The following MCMDC2 variants were observed in gnomAD, a reference collection of about 807,000 sequenced individuals.
The protein encoded by MCMDC2 is minichromosome maintenance domain-containing protein 2.
MCMDC2 carries 54 observed loss-of-function variants against 75.8 expected under a neutral mutation model. The observed-to-expected ratio is 0.71, with a 90% CI of 0.57 to 0.89. The LOEUF is 0.89. Among genes scored for constraint, MCMDC2 ranks in the 40% least tolerant of loss-of-function variants. MCMDC2 has a pLI of 0.00. For missense variants in MCMDC2, 656 were observed against 780.4 expected, an observed-to-expected ratio of 0.84 and a Z score of 1.90; for synonymous variants, 249 against 274.6, an observed-to-expected ratio of 0.91 and a Z score of 0.92.
At chr8:66,917,031 A>G (rs774803706) in intron 14 of MCMDC2, among the ~76,000 whole-genome samples, 1 of 152,208 alleles carries the variant, frequency 6.6e-6, no homozygotes, top group South Asian at 2.1e-4. Context: ...GGCACTGAGC[A>G]TCAAAGGAGA....
downstream of MCMDC2, among the ~76,000 whole-genome samples, chr8:66,923,638 T>C (rs1448805859): frequency 1.3e-5 from 2 of 152,194 alleles, no homozygotes; most frequent in Non-Finnish European, 2.9e-5. Flanking sequence ...GTCTCCCGCC[T>C]GTAATCCTAG....
chr8:66,882,328 C>T, intron 8 of MCMDC2, among the ~76,000 whole-genome samples: 1 of 152,096 alleles, frequency 6.6e-6, no homozygotes, highest in East Asian at 1.9e-4. Flanking sequence ...GTCAACATAG[C>T]AGATTAGCTT....
intron 13 of MCMDC2, among the ~76,000 whole-genome samples, 174 bp from the exon 14 acceptor site, chr8:66,905,052 A>G (rs971571077): frequency 5.3e-5 from 8 of 152,132 alleles, no homozygotes; most frequent in African/African-American, 1.9e-4. Context: ...GGAACAGTCT[A>G]TTTAAGTCGG....
downstream of MCMDC2, among the ~76,000 whole-genome samples, chr8:66,924,880 A>C (rs1352609302): frequency 6.6e-6 from 1 of 152,182 alleles, no homozygotes; most frequent in African/African-American, 2.4e-5. Flanking sequence ...TAGCTCTACG[A>C]ATGGGTCGAG....
At chr8:66,894,914 G>A (rs75878315) in intron 10 of MCMDC2, among the ~76,000 whole-genome samples, 2,084 of 152,204 alleles carry the variant, frequency 0.014, 27 homozygotes, top group African/African-American at 0.025. Flanking sequence ...CCTGCCTCCC[G>A]TCACCTACTC....
At chr8:66,881,681 C>CA (rs1306711096) in intron 8 of MCMDC2, among the ~76,000 whole-genome samples, 2 of 149,124 alleles carry the variant, frequency 1.3e-5, no homozygotes, top group South Asian at 2.1e-4. Flanking sequence ...GACTCCGTCT[C>CA]AAAAAAAAGA....
chr8:66,916,438 C>T (rs986037367), intron 14 of MCMDC2, among the ~76,000 whole-genome samples: 3 of 151,942 alleles, frequency 2.0e-5, no homozygotes, highest in Admixed American at 1.3e-4. Flanking sequence ...GAGAAGTGTC[C>T]GAGGGAAACT....
chr8:66,914,797 G>A (rs1813241339), intron 14 of MCMDC2, among the ~76,000 whole-genome samples: 1 of 152,180 alleles, frequency 6.6e-6, no homozygotes. Flanking sequence ...GGTAGAGTCA[G>A]TAGAAATGGA....
intron 8 of MCMDC2, among the ~76,000 whole-genome samples, chr8:66,882,717 A>G (rs757180643): frequency 2.0e-5 from 3 of 152,224 alleles, no homozygotes; most frequent in Non-Finnish European, 4.4e-5. Flanking sequence ...GTAGTAATAG[A>G]GACCCAAGTT....
At chr8:66,899,389 T>G (rs1387715186) in intron 12 of MCMDC2, among the ~76,000 whole-genome samples, 1 of 152,142 alleles carries the variant, frequency 6.6e-6, no homozygotes, top group Non-Finnish European at 1.5e-5. Flanking sequence ...TTGATGCTAT[T>G]AATAGTATAT....
Position 66,877,548 on chromosome 8 carries a change from A to C in MCMDC2, c.481+4A>C. The C allele has an allele frequency of 6.3e-7, 1 of 1,589,428 alleles. No homozygotes were observed. The highest frequency in any genetic ancestry group is 8.5e-7 in the Non-Finnish European group (1 of 1,170,478). ...GAAGCATGCCCTCTTTCAAAAGGTA[A>C]ATGTTAAATAGGAAAATCAAAGCAT... On this transcript the variant is annotated splice_donor_region_variant and intron_variant, in intron 5 of 14. Coordinates refer to ENST00000422365, the MANE Select transcript of MCMDC2 (RefSeq NM_173518.5).
chr8:66,905,243 C>T lies in MCMDC2; in HGVS notation c.1787C>T (p.Ala596Val). ...ALKYLVFLSEAHARLNLRNKV... is the reference protein window; with the variant it reads ...ALKYLVFLSEVHARLNLRNKV... Reference sequence around the variant, plus strand: ...TTTTTTAGCGTTTTCCTATCTGAAGCCCATGCACGACTGAACTTAAGGAAC... The same window carrying T: ...TTTTTTAGCGTTTTCCTATCTGAAGTCCATGCACGACTGAACTTAAGGAAC... The change falls in exon 14 of 15, where the codon GCC (alanine) becomes GTC (valine). Residue 596 changes from alanine (A) to valine (V), a missense_variant. Coordinates refer to ENST00000422365, the MANE Select transcript of MCMDC2 (RefSeq NM_173518.5). The T allele has an allele frequency of 2.7e-6, 4 of 1,462,820 alleles. No homozygotes were observed. The highest frequency in any genetic ancestry group is 2.6e-5 in the East Asian group (1 of 37,856). The allele number at this position is 1,462,820 out of a possible 1,614,324, so 90.6% of individuals were successfully genotyped here.
chr8:66,884,884 C>CT (rs940664951), intron 9 of MCMDC2, among the ~76,000 whole-genome samples: 23 of 152,098 alleles, frequency 1.5e-4, no homozygotes, highest in Non-Finnish European at 2.9e-5. Flanking sequence ...TCAAGTGATC[C>CT]TCCAGCCTCA....
intron 14 of MCMDC2, among the ~76,000 whole-genome samples, chr8:66,917,000 A>C (rs1003499704): frequency 3.3e-5 from 5 of 152,170 alleles, no homozygotes; most frequent in South Asian, 2.1e-4. Context: ...CTATAGAAGG[A>C]GAAGGATAGT....
At chr8:66,907,474 T>C (rs571560149) in intron 14 of MCMDC2, among the ~76,000 whole-genome samples, 22 of 152,208 alleles carry the variant, frequency 1.4e-4, no homozygotes, top group Non-Finnish European at 2.8e-4. Flanking sequence ...AGTCTATCAT[T>C]GATGGGCATT....
At chr8:66,913,773 T>A (rs1353087255) in intron 14 of MCMDC2, among the ~76,000 whole-genome samples, 1 of 151,810 alleles carries the variant, frequency 6.6e-6, no homozygotes, top group Non-Finnish European at 1.5e-5. Context: ...GAGACCAGCC[T>A]GGACAAATGG....
At chr8:66,901,145 AT>A (rs1263635652) in intron 12 of MCMDC2, 60 bp from the exon 13 acceptor site, 1 of 1,275,430 alleles carries the variant, frequency 7.8e-7, no homozygotes, top group Non-Finnish European at 1.1e-6. Context: ...TATACTTTTG[AT>A]TTCTGTTATA....
chr8:66,873,560 G>A (rs530907384), intron 1 of MCMDC2, among the ~76,000 whole-genome samples: 1 of 152,014 alleles, frequency 6.6e-6, no homozygotes, highest in Admixed American at 6.6e-5. Context: ...TTAAGTTTTC[G>A]ATCTTGTGGA....
chr8:66,884,602 T>A (rs1255922612), intron 9 of MCMDC2: 2 of 151,700 alleles, frequency 1.3e-5, no homozygotes, highest in Non-Finnish European at 2.9e-5. Flanking sequence ...TAGAAAAAAA[T>A]AAAATTGAAA....
Sources: allele counts gnomAD v4.1 joint callset (sites outside exome capture counted in the v4.1 genomes callset), GRCh38; gene constraint gnomAD v4.1.1; transcripts MANE v1.5; gene names NCBI Gene and HGNC (gene_info 2026-07-23, HGNC 2026-07-21).